The following SLC15A3 variants were observed in gnomAD, a reference collection of about 807,000 sequenced individuals.
The protein encoded by SLC15A3 is osteoclast transporter.
In SLC15A3, 39 loss-of-function variants were observed where a neutral mutation model predicts 49.2. The ratio of observed to expected loss-of-function variants is 0.79; its 90% CI spans 0.61 to 1.04. SLC15A3 has a LOEUF of 1.04. Ranked by LOEUF, SLC15A3 falls within the 50% of genes least tolerant of loss-of-function variation. SLC15A3 has a pLI of 0.00. For synonymous variants in SLC15A3, 339 were observed against 367.0 expected, an observed-to-expected ratio of 0.92 and a Z score of 0.87; for missense variants, 758 against 794.8, an observed-to-expected ratio of 0.95 and a Z score of 0.56.
intron 6 of SLC15A3, among the ~76,000 whole-genome samples, 177 bp downstream of exon 6, chr11:60,939,303 A>C (rs1856675934): frequency 6.6e-6 from 1 of 152,208 alleles, no homozygotes; most frequent in Non-Finnish European, 1.5e-5. Context: ...ATAGGGGCTG[A>C]CTTGAACCAG....
rs540589876 is a variant in SLC15A3, at chr11:60,946,435, T to C, written c.848+97A>G. On this transcript the variant is annotated intron_variant, in intron 2 of 7. Coordinates refer to ENST00000227880, the MANE Select transcript of SLC15A3 (RefSeq NM_016582.3). Reference sequence around the variant, plus strand: ...CATCATAAAAAGCTATCACTGTAGCTGAACCAGAATGTCTGCAACCTGGAC... The same window carrying C: ...CATCATAAAAAGCTATCACTGTAGCCGAACCAGAATGTCTGCAACCTGGAC... 1,423 of 1,369,462 alleles carry C rather than the reference T, an allele frequency of 1.0e-3. 4 individuals are homozygous for C. Among genetic ancestry groups the C allele is most frequent in the Non-Finnish European group, 1.4e-3 (1,393 of 1,015,882 alleles). The allele number at this position is 1,369,462 out of a possible 1,614,324, so 84.8% of individuals were successfully genotyped here.
intron 2 of SLC15A3, among the ~76,000 whole-genome samples, chr11:60,945,048 G>A (rs892562483): frequency 6.6e-6 from 1 of 152,192 alleles, no homozygotes; most frequent in African/African-American, 2.4e-5. Flanking sequence ...TTCCCTGCTG[G>A]CCTTGTGACA....
intron 3 of SLC15A3, 24 bp downstream of exon 3, chr11:60,943,665 G>C (rs1186427967): frequency 5.4e-6 from 8 of 1,492,964 alleles, no homozygotes; most frequent in Non-Finnish European, 7.2e-6. Context: ...CAGGCCCCCA[G>C]AGAAAAAGGG....
chr11:60,938,257 G>C, intron 6 of SLC15A3: 1 of 498,150 alleles, frequency 2.0e-6, no homozygotes, highest in Non-Finnish European at 3.5e-6. Context: ...TCCATGCGCT[G>C]CCCCAATAGC....
chr11:60,941,932 C>A (rs1856715164), intron 4 of SLC15A3, 103 bp downstream of exon 4: 3 of 1,130,492 alleles, frequency 2.7e-6, no homozygotes, highest in East Asian at 4.8e-5. Flanking sequence ...GGTTGCCTTG[C>A]AGGCAGGAAA....
chr11:60,951,243 C>A lies in SLC15A3; in HGVS notation c.309G>T (p.Ala103=), dbSNP rs1341981978. The A allele has an allele frequency of 7.9e-6, 12 of 1,512,344 alleles. No homozygotes were observed. Among genetic ancestry groups the A allele is most frequent in the Non-Finnish European group, 1.1e-5 (12 of 1,134,288 alleles). The allele number at this position is 1,512,344 out of a possible 1,614,324, so 93.7% of individuals were successfully genotyped here. A position where few individuals can be genotyped will look rare whatever the true frequency, so the allele number is the denominator to read the frequency against. The change falls in exon 1 of 8, where the codon GCG becomes GCT. Residue 103 remains alanine, a synonymous_variant. Coordinates refer to ENST00000227880, the MANE Select transcript of SLC15A3 (RefSeq NM_016582.3). ...GGTAGAGCAGCAGGCTGAGCGCGACCGCGCGGTAGCGGCCCAGGTACACGT... is the reference window on the plus strand; with the variant it reads ...GGTAGAGCAGCAGGCTGAGCGCGACAGCGCGGTAGCGGCCCAGGTACACGT... ...LADVYLGRYR[A]VALSLLLYLA...
chr11:60,951,672 C>A lies in SLC15A3; in HGVS notation c.-121G>T. 1 of 795,924 alleles carries A rather than the reference C, an allele frequency of 1.3e-6. No individual in the cohort carries two copies. The allele number at this position is 795,924 out of a possible 1,614,324, so 49.3% of individuals were successfully genotyped here. On this transcript the variant is annotated 5_prime_UTR_variant, in exon 1 of 8. Transcript: ENST00000227880. ...CCACCCAACTGGCTGGCCCTCCTTT[C>A]TCACCGCTTTGGCCCACCCTTCCCT...
At chr11:60,948,240 C>T (rs566353) in intron 1 of SLC15A3, among the ~76,000 whole-genome samples, 55,617 of 152,034 alleles carry the variant, frequency 0.37, 11,668 homozygotes, top group Middle Eastern at 0.47. Flanking sequence ...GAGGGGCATA[C>T]CAGCTCACTG....
intron 3 of SLC15A3, chr11:60,943,456 G>T (rs1254610197): frequency 3.8e-5 from 14 of 364,708 alleles, no homozygotes; most frequent in Non-Finnish European, 3.9e-5. Context: ...CCCGCAGGAG[G>T]TATAGCAGGA....
chr11:60,937,736 G>A (rs181697572), intron 7 of SLC15A3, 134 bp downstream of exon 7: 403 of 1,231,710 alleles, frequency 3.3e-4, no homozygotes, highest in Middle Eastern at 3.9e-4. Context: ...GGCCAAGCCC[G>A]GGCTAGAACC....
chr11:60,942,836 G>A (rs1691961451), intron 3 of SLC15A3: 1 of 152,326 alleles, frequency 6.6e-6, no homozygotes, highest in African/African-American at 2.4e-5. Flanking sequence ...GTGCCCCTAA[G>A]TAGCAGGCTG....
intron 5 of SLC15A3, chr11:60,940,190 C>G (rs1359354577): frequency 6.4e-6 from 1 of 155,956 alleles, no homozygotes; most frequent in Admixed American, 6.2e-5. Context: ...TAGCTGTGCT[C>G]TAGTGGAATG....
At chr11:60,943,879 TG>T in intron 2 of SLC15A3, 43 bp from the exon 3 acceptor site, 1 of 1,446,204 alleles carries the variant, frequency 6.9e-7, no homozygotes, top group Non-Finnish European at 9.2e-7. Flanking sequence ...CAGTCAAGGC[TG>T]GGCTTGGTGG....
At chr11:60,950,920 G>T in intron 1 of SLC15A3, 74 bp downstream of exon 1, 1 of 1,356,148 alleles carries the variant, frequency 7.4e-7, no homozygotes, top group Non-Finnish European at 9.5e-7. Flanking sequence ...GTTTGTCCCA[G>T]GTCACGCTGG....
At chr11:60,949,454 A>AAG (rs1856859273) in intron 1 of SLC15A3, among the ~76,000 whole-genome samples, 2 of 145,838 alleles carry the variant, frequency 1.4e-5, no homozygotes, top group African/African-American at 2.6e-5. Context: ...AAGAAAGAGA[A>AAG]AGAAAGAGAG....
intron 1 of SLC15A3, among the ~76,000 whole-genome samples, chr11:60,949,481 AAAGG>A (rs778898909): frequency 1.5e-5 from 2 of 134,784 alleles, no homozygotes; most frequent in South Asian, 2.2e-4. Flanking sequence ...AAAGAGAAAG[AAAGG>A]AAGAAAGAAA....
intron 3 of SLC15A3, chr11:60,942,482 C>G (rs1408894596): frequency 8.6e-6 from 2 of 233,296 alleles, no homozygotes; most frequent in Admixed American, 5.1e-5. Flanking sequence ...TGGCTGCCCC[C>G]ACAGGGAGTT....
In SLC15A3 at chr11:60,937,954, A is replaced by G; in HGVS notation, c.1507T>C (p.Ser503Pro). 1 of 1,614,170 alleles carries G rather than the reference A, an allele frequency of 6.2e-7. No homozygotes were observed. Among genetic ancestry groups the G allele is most frequent in the Non-Finnish European group, 8.5e-7 (1 of 1,180,000 alleles). ...GAIMGIFFCL[S>P]GVGSLLGSSL... ...GAGCCCAACAGTGAGCCCACCCCCG[A>G]CAGGCAGAAGAAGATGCCCATGATG... is the stretch of plus-strand genomic sequence containing the variant. The change falls in exon 7 of 8, where the codon TCG becomes CCG. Residue 503 changes from serine to proline, a missense_variant. Around this residue, in one of 3 missense-constraint regions of SLC15A3, gnomAD observed 699 missense variants for 706.7 expected, o/e 0.99. Coordinates refer to ENST00000227880, the MANE Select transcript of SLC15A3 (RefSeq NM_016582.3).
At chr11:60,939,426 C>T in intron 6 of SLC15A3, 54 bp downstream of exon 6, 1 of 1,595,194 alleles carries the variant, frequency 6.3e-7, no homozygotes. Flanking sequence ...CTTTGAGGTG[C>T]CACCGGGCAG....
Sources: gnomAD v4.1 joint callset for allele counts (sites outside exome capture counted in the v4.1 genomes callset) on GRCh38, gnomAD v4.1.1 for gene constraint, gnomAD v4.1.1 regional missense constraint, MANE v1.5 for transcripts, NCBI Gene and HGNC (gene_info 2026-07-23, HGNC 2026-07-21) for gene names.